UAP1L1: variants seen among roughly 807,000 people sequenced by gnomAD.
UAP1L1 encodes the protein UDP-N-acetylglucosamine pyrophosphorylase 1 like 1, also known as UDP-N-acetylhexosamine pyrophosphorylase-like protein 1.
A neutral mutation model predicts 45.3 loss-of-function variants in UAP1L1; 45 were observed. That is an observed-to-expected ratio of 0.99 (90% confidence interval 0.78 to 1.27). UAP1L1 has a LOEUF of 1.27. Ranked by LOEUF, UAP1L1 falls within the 50% of genes most tolerant of loss-of-function variation. The pLI, the probability that UAP1L1 is intolerant of heterozygous loss-of-function variation, is 0.00. For synonymous variants in UAP1L1, 323 were observed against 303.9 expected (o/e 1.06, Z -0.65); for missense variants, 667 against 694.0 (o/e 0.96, Z 0.44).
chr9:137,078,699 G>A (rs767468655), intron 3 of UAP1L1, 22 bp downstream of exon 3: 2 of 1,601,002 alleles, frequency 1.2e-6, no homozygotes, highest in South Asian at 1.1e-5. Flanking sequence ...TCCTGAGACG[G>A]GGAGGGACCG....
Position 137,080,140 on chromosome 9 carries a change from T to C in UAP1L1, c.1176T>C (p.Ala392=). The C allele has an allele frequency of 6.2e-7, 1 of 1,614,106 alleles. No homozygotes were observed. The highest frequency in any genetic ancestry group is 8.5e-7 in the Non-Finnish European group (1 of 1,179,956). Residue 392 remains alanine, a splice_region_variant and synonymous_variant, in exon 6 of 9, where the codon GCT becomes GCC. Coordinates refer to ENST00000409858, the MANE Select transcript of UAP1L1 (RefSeq NM_207309.3). ...TTGTGTTTGATGTGTTCCGGTTTGC[T>C]AAGTTAGTAGTAGAACTCATTTATT... ...EKFVFDVFRF[A]KNFAALEVLR...
rs529196548 is a variant in UAP1L1 at position 137,079,652 on chromosome 9, G to A, written c.1037+203G>A. 1.0e-3 allele frequency: 631 copies of A among 602,896 alleles called. 4 individuals are homozygous for A. Among genetic ancestry groups the A allele is most frequent in the Non-Finnish European group, 4.5e-4 (156 of 348,126 alleles). The allele number at this position is 602,896 out of a possible 1,614,324, so 37.3% of individuals were successfully genotyped here. ...AGGTGCTGGAGATCAGGCACAAGCCGTGCTCAGCAGGCAGCTGCTGTAAGG... is the reference window on the plus strand; with the variant it reads ...AGGTGCTGGAGATCAGGCACAAGCCATGCTCAGCAGGCAGCTGCTGTAAGG... On this transcript the variant is annotated intron_variant, in intron 5 of 8. Coordinates refer to ENST00000409858, the MANE Select transcript of UAP1L1 (RefSeq NM_207309.3).
chr9:137,078,780 G>T, intron 3 of UAP1L1, 103 bp downstream of exon 3: 1 of 1,408,292 alleles, frequency 7.1e-7, no homozygotes, highest in Middle Eastern at 2.4e-4. Context: ...AGGCTGTGTG[G>T]TCCTGGGTTA....
chr9:137,083,012 C>T lies in UAP1L1; in HGVS notation c.*283C>T. 1 of 428,226 alleles carries T rather than the reference C, an allele frequency of 2.3e-6. No homozygotes were observed. Among genetic ancestry groups the T allele is most frequent in the South Asian group, 2.7e-5 (1 of 36,864 alleles). 26.5% of individuals were successfully genotyped at this position (428,226 alleles called of 1,614,324 possible). Reference sequence around the variant, plus strand: ...GTGGCTCCATTCCTGGCTGTGGGGTCTAGTCAAGAGGCAGAGGGACTTGGG... The same window carrying T: ...GTGGCTCCATTCCTGGCTGTGGGGTTTAGTCAAGAGGCAGAGGGACTTGGG... On this transcript the variant is annotated 3_prime_UTR_variant, in exon 9 of 9. Coordinates refer to ENST00000409858, the MANE Select transcript of UAP1L1 (RefSeq NM_207309.3).
chr9:137,079,874 T>G, intron 5 of UAP1L1, 128 bp from the exon 6 acceptor site: 1 of 1,132,962 alleles, frequency 8.8e-7, no homozygotes, highest in Non-Finnish European at 1.3e-6. Context: ...CTGCCGCTTC[T>G]GTGCCCTGTA....
In UAP1L1 at chr9:137,077,884, C is replaced by G; in HGVS notation, c.289+63C>G. On this transcript the variant is annotated intron_variant, in intron 1 of 8. Transcript: ENST00000409858. This position sits in a 1 kb window ranked among gnomAD's most constrained non-coding sequence, Gnocchi z 4.7. ...TCGTGCCCACGGAGCGGGTGGGAAC[C>G]GAGGCCGCGCTCGGGGAACTGTAGT... 40 of 1,465,312 alleles carry G rather than the reference C, an allele frequency of 2.7e-5. No individual in the cohort carries two copies. Among genetic ancestry groups the G allele is most frequent in the Non-Finnish European group, 3.5e-5 (39 of 1,111,168 alleles). The allele number at this position is 1,465,312 out of a possible 1,614,324, so 90.8% of individuals were successfully genotyped here.
chr9:137,077,528 G>A lies in UAP1L1; in HGVS notation c.-5G>A. ...AGTGCCGACTTGACAGACGGCAGCG[G>A]CGACATGGCTTCGGAGCAGGACGTG... On this transcript the variant is annotated 5_prime_UTR_variant, in exon 1 of 9. Coordinates refer to ENST00000409858, the MANE Select transcript of UAP1L1 (RefSeq NM_207309.3). The surrounding 1 kb of genome is among the most constrained non-coding windows in gnomAD (Gnocchi z 4.7). 1 of 1,365,004 alleles carries A rather than the reference G, an allele frequency of 7.3e-7. No homozygotes were observed. Among genetic ancestry groups the A allele is most frequent in the Non-Finnish European group, 9.5e-7 (1 of 1,049,222 alleles). The allele number at this position is 1,365,004 out of a possible 1,614,324, so 84.6% of individuals were successfully genotyped here.
intron 7 of UAP1L1, 42 bp from the exon 8 acceptor site, chr9:137,081,956 G>A (rs1564268281): frequency 6.2e-7 from 1 of 1,602,888 alleles, no homozygotes; most frequent in African/African-American, 1.3e-5. Flanking sequence ...AGGGCTCTGG[G>A]CAGGTGCTGC....
Position 137,079,061 on chromosome 9 carries a change from G to C in UAP1L1, c.756G>C (p.Val252=), listed in dbSNP as rs775594153. The C allele has an allele frequency of 1.1e-5, 17 of 1,610,620 alleles. No individual in the cohort carries two copies. In the Admixed American group the frequency reaches 2.7e-4, roughly 26 times the overall value. The change falls in exon 4 of 9, where the codon GTG becomes GTC. Residue 252 remains valine (V), a synonymous_variant. Coordinates refer to ENST00000409858, the MANE Select transcript of UAP1L1 (RefSeq NM_207309.3). ...MERRGVEFVH[V]YCVDNILVRL... ...GCCGGGGAGTGGAGTTTGTGCACGT[G>C]TACTGTGTGGACAACATCCTGGTGC...
Position 137,078,670 on chromosome 9 carries a change from G to A in UAP1L1, c.663G>A (p.Met221Ile). 1.2e-6 allele frequency: 2 copies of A among 1,611,808 alleles called. No individual in the cohort carries two copies. Among genetic ancestry groups the A allele is most frequent in the Non-Finnish European group, 1.7e-6 (2 of 1,179,236 alleles). ...TGGAGCGGAAAGACAAAGTTGCCAT[G>A]GCCCCAGGTGTGGCCCGTTCCTGAG... ...VILERKDKVAMAPDGNGGLYC... is the reference protein window; with the variant it reads ...VILERKDKVAIAPDGNGGLYC... Residue 221 changes from methionine (M) to isoleucine (I), a missense_variant, in exon 3 of 9, where the codon ATG becomes ATA. By Grantham distance (10) the Met-to-Ile change is conservative. Coordinates refer to ENST00000409858, the MANE Select transcript of UAP1L1 (RefSeq NM_207309.3).
intron 6 of UAP1L1, 157 bp from the exon 7 acceptor site, chr9:137,080,532 G>A: frequency 1.3e-6 from 1 of 741,050 alleles, no homozygotes; most frequent in Non-Finnish European, 2.2e-6. Context: ...TGGCGTCTCA[G>A]GAGCAAAAAC....
chr9:137,080,168 C>A (rs1468614871), intron 6 of UAP1L1, 26 bp downstream of exon 6: 1 of 1,611,236 alleles, frequency 6.2e-7, no homozygotes, highest in Non-Finnish European at 8.5e-7. Context: ...CATTTATTTT[C>A]CCCTTCTTCC....
At chr9:137,080,449 T>A in intron 6 of UAP1L1, 1 of 598,380 alleles carries the variant, frequency 1.7e-6, no homozygotes. Context: ...CGCAGGGCCT[T>A]TGGCCCTCAC....
rs140579603 is a variant in UAP1L1 at position 137,079,992 on chromosome 9, C to A, written c.1038-10C>A. The A allele has an allele frequency of 1.9e-6, 3 of 1,613,058 alleles. No homozygotes were observed. The highest frequency in any genetic ancestry group is 2.5e-6 in the Non-Finnish European group (3 of 1,179,844). The stretch of plus-strand genomic sequence containing the variant: ...GTTTCTTTCCTCCCCTCTGCTCTCC[C>A]GTGCCCCAGGGAGTTTGAGCCTTTG... On this transcript the variant is annotated splice_polypyrimidine_tract_variant and intron_variant, in intron 5 of 8. Coordinates refer to ENST00000409858, the MANE Select transcript of UAP1L1 (RefSeq NM_207309.3).
In UAP1L1 at chr9:137,078,190, G is replaced by C. The variant is rs533638636; in HGVS notation, c.430G>C (p.Glu144Gln). The change falls in exon 2 of 9, where the codon GAG (glutamate) becomes CAG (glutamine). Residue 144 changes from glutamate (E) to glutamine (Q), a missense_variant. Glu to Gln is a conservative substitution (Grantham distance 29, BLOSUM62 2). Transcript: ENST00000409858. The stretch of plus-strand genomic sequence containing the variant: ...GAAGACCCTGTACCAGCTGCAGGCG[G>C]AGCGGATTCGGCGGGTGGAGCAGCT... ...SRKTLYQLQA[E>Q]RIRRVEQLAG... is the part of the protein sequence containing the mutation. 1.3e-6 allele frequency: 2 copies of C among 1,549,830 alleles called. No homozygotes were observed. Among genetic ancestry groups the C allele is most frequent in the African/African-American group, 1.4e-5 (1 of 73,190 alleles).
At position 137,082,629 on chromosome 9, in the gene UAP1L1, G is replaced by A. The variant is rs376861618; in HGVS notation, c.1432-8G>A. 25 of 1,550,598 alleles carry A rather than the reference G, an allele frequency of 1.6e-5. No individual in the cohort carries two copies. The highest frequency in any genetic ancestry group is 5.5e-5 in the African/African-American group (4 of 72,990). ...GGTACTTGGCCATTGTCCCCTGCTC[G>A]TCTCCAGGGTTTAGAAGTGTACCTG... On this transcript the variant is annotated splice_region_variant and splice_polypyrimidine_tract_variant and intron_variant, in intron 8 of 8. Transcript: ENST00000409858. This position sits in a 1 kb window ranked among gnomAD's most constrained non-coding sequence, Gnocchi z 5.7.
rs1588570313 is a variant in UAP1L1 at position 137,077,819 on chromosome 9, A to G, written c.287A>G (p.Glu96Gly). Residue 96 changes from glutamate to glycine, a missense_variant and splice_region_variant, in exon 1 of 9, where the codon GAA (glutamate) becomes GGA (glycine). Coordinates refer to ENST00000409858, the MANE Select transcript of UAP1L1 (RefSeq NM_207309.3). This position sits in a 1 kb window ranked among gnomAD's most constrained non-coding sequence, Gnocchi z 4.7. ...DPETRRRWEE[E>G]GFRQISLNKV... ...GAGACACGGCGGCGCTGGGAGGAGGAAGGTAAGCGGGGTGGGAGGCCCTGG... is the reference window on the plus strand; with the variant it reads ...GAGACACGGCGGCGCTGGGAGGAGGGAGGTAAGCGGGGTGGGAGGCCCTGG... 7.3e-7 allele frequency: 1 copy of G among 1,366,698 alleles called. No homozygotes were observed. 84.7% of individuals were successfully genotyped at this position (1,366,698 alleles called of 1,614,324 possible).
chr9:137,079,970 T>A, intron 5 of UAP1L1, 32 bp from the exon 6 acceptor site: 1 of 1,611,214 alleles, frequency 6.2e-7, no homozygotes, highest in South Asian at 1.1e-5. Flanking sequence ...CTGATCTGTT[T>A]CTTTCCTCCC....
rs775594153 is a variant in UAP1L1 at position 137,079,061 on chromosome 9, G to T, written c.756G>T (p.Val252=). Residue 252 remains valine (V), a synonymous_variant, in exon 4 of 9, where the codon GTG becomes GTT. Transcript: ENST00000409858. Reference sequence around the variant, plus strand: ...GCCGGGGAGTGGAGTTTGTGCACGTGTACTGTGTGGACAACATCCTGGTGC... The same window carrying T: ...GCCGGGGAGTGGAGTTTGTGCACGTTTACTGTGTGGACAACATCCTGGTGC... ...MERRGVEFVH[V]YCVDNILVRL... 6.2e-7 allele frequency: 1 copy of T among 1,610,620 alleles called. No individual in the cohort carries two copies. Among genetic ancestry groups the T allele is most frequent in the South Asian group, 1.1e-5 (1 of 90,676 alleles).
Sources: allele counts gnomAD v4.1 joint callset, GRCh38; gene constraint gnomAD v4.1.1; non-coding constraint Gnocchi (gnomAD v3.1); transcripts MANE v1.5; gene names NCBI Gene and HGNC (gene_info 2026-07-23, HGNC 2026-07-21).